The following SYCP1 variants were observed in gnomAD, a reference collection of about 807,000 sequenced individuals.
SYCP1 encodes the protein synaptonemal complex protein 1.
In SYCP1, 64 loss-of-function variants were observed where a neutral mutation model predicts 153.1. The observed-to-expected ratio is 0.42, with a 90% confidence interval of 0.34 to 0.51. SYCP1 has a LOEUF of 0.51. Ranked by LOEUF, SYCP1 falls within the 20% of genes least tolerant of loss-of-function variation. The probability of loss-of-function intolerance (pLI) is 0.06; values close to 1 mark genes in which losing one functional copy is unlikely to be tolerated. For synonymous variants in SYCP1, 384 were observed against 341.8 expected, an observed-to-expected ratio of 1.12 and a Z score of -1.36; for missense variants, 997 against 1,049.0, an observed-to-expected ratio of 0.95 and a Z score of 0.68.
chr1:114,878,565 A>G (rs1665696256), intron 12 of SYCP1, among the ~76,000 whole-genome samples: 1 of 152,076 alleles, frequency 6.6e-6, no homozygotes, highest in Non-Finnish European at 1.5e-5. Flanking sequence ...GTTTTTTGAG[A>G]TGGAGTCTCA....
chr1:114,948,907 A>G (rs1435935809), intron 27 of SYCP1, among the ~76,000 whole-genome samples: 1 of 152,220 alleles, frequency 6.6e-6, no homozygotes, highest in Non-Finnish European at 1.5e-5. Context: ...TCTAGTCAGT[A>G]AACATAAATA....
Position 114,856,559 on chromosome 1 carries a change from C to A in SYCP1, c.109-14C>A. ...TATGAAACAGAATATTTAAGAACTT[C>A]TTTGTGTCTCTAGAGTTTCAACAAA... is the stretch of plus-strand genomic sequence containing the variant. On this transcript the variant is annotated splice_polypyrimidine_tract_variant and intron_variant, in intron 2 of 31. Transcript: ENST00000369522. 6.3e-7 allele frequency: 1 copy of A among 1,594,590 alleles called. No individual in the cohort carries two copies. Among genetic ancestry groups the A allele is most frequent in the Non-Finnish European group, 8.6e-7 (1 of 1,166,804 alleles).
intron 28 of SYCP1, among the ~76,000 whole-genome samples, chr1:114,980,214 A>G (rs777116198): frequency 1.3e-5 from 2 of 151,892 alleles, no homozygotes; most frequent in Non-Finnish European, 2.9e-5. Flanking sequence ...CTTATGAATA[A>G]TTGCCACGAT....
At chr1:114,959,490 G>T (rs1441152916) in intron 27 of SYCP1, among the ~76,000 whole-genome samples, 2 of 152,016 alleles carry the variant, frequency 1.3e-5, no homozygotes, top group East Asian at 3.9e-4. Context: ...GGGTGTATGG[G>T]ATATTTTGAT....
At chr1:114,944,848 T>C (rs1570826630) in intron 24 of SYCP1, 24 bp from the exon 25 acceptor site, 2 of 759,172 alleles carry the variant, frequency 2.6e-6, no homozygotes, top group Non-Finnish European at 3.7e-6. Flanking sequence ...TTTAAGAAAC[T>C]TTTTTTTTTT....
chr1:114,876,180 G>A, intron 10 of SYCP1, 42 bp downstream of exon 10: 1 of 1,362,462 alleles, frequency 7.3e-7, no homozygotes. Flanking sequence ...TTACTGTTTT[G>A]CTATTTATAT....
intron 23 of SYCP1, among the ~76,000 whole-genome samples, chr1:114,931,460 A>T (rs1669627948): frequency 6.6e-6 from 1 of 152,126 alleles, no homozygotes; most frequent in African/African-American, 2.4e-5. Flanking sequence ...TGAAAAATTA[A>T]TTTTAAAACA....
At chr1:114,962,822 A>C (rs917040617) in intron 27 of SYCP1, among the ~76,000 whole-genome samples, 3 of 152,126 alleles carry the variant, frequency 2.0e-5, no homozygotes, top group African/African-American at 7.2e-5. Flanking sequence ...TTTTGTTTCA[A>C]GATGTAGAGC....
chr1:114,948,462 G>C (rs1020171208), intron 27 of SYCP1, among the ~76,000 whole-genome samples: 1 of 152,074 alleles, frequency 6.6e-6, no homozygotes, highest in Admixed American at 6.6e-5. Flanking sequence ...CAACAGCTTA[G>C]GTAACATACA....
At chr1:114,877,222 CTTTCTTT>C (rs1213223910) in intron 11 of SYCP1, among the ~76,000 whole-genome samples, 4 of 152,074 alleles carry the variant, frequency 2.6e-5, no homozygotes, top group Non-Finnish European at 5.9e-5. Flanking sequence ...TCTGTTGCAT[CTTTCTTT>C]TTTCTTTTTT....
At chr1:114,917,957 T>G (rs1176339656) in intron 20 of SYCP1, among the ~76,000 whole-genome samples, 1 of 152,088 alleles carries the variant, frequency 6.6e-6, no homozygotes, top group Non-Finnish European at 1.5e-5. Flanking sequence ...TTGTTGATTT[T>G]TTTTTTTCTG....
At chr1:114,889,065 A>C (rs1570706834) in intron 15 of SYCP1, among the ~76,000 whole-genome samples, 1 of 152,296 alleles carries the variant, frequency 6.6e-6, no homozygotes, top group Middle Eastern at 3.4e-3. Context: ...GTAGTATTCC[A>C]TGATGTATAT....
chr1:114,991,419 C>T (rs377580244), intron 30 of SYCP1, among the ~76,000 whole-genome samples: 6 of 151,666 alleles, frequency 4.0e-5, no homozygotes, highest in African/African-American at 7.3e-5. Context: ...AGAATATTGG[C>T]GAATCAAATT....
At chr1:114,948,248 A>G (rs1324694014) in intron 27 of SYCP1, among the ~76,000 whole-genome samples, 1 of 152,064 alleles carries the variant, frequency 6.6e-6, no homozygotes, top group Admixed American at 6.5e-5. Context: ...TTTGGTTTCT[A>G]TGAGATGGGA....
intron 27 of SYCP1, among the ~76,000 whole-genome samples, chr1:114,971,174 T>C (rs1672465851): frequency 6.6e-6 from 1 of 152,148 alleles, no homozygotes; most frequent in African/African-American, 2.4e-5. Flanking sequence ...TCCCATGAAT[T>C]TATGTCTTTT....
At chr1:114,980,541 G>T (rs1391779910) in intron 28 of SYCP1, among the ~76,000 whole-genome samples, 1 of 151,878 alleles carries the variant, frequency 6.6e-6, no homozygotes, top group Non-Finnish European at 1.5e-5. Flanking sequence ...TTGGAGGCAA[G>T]TTAGGCTGGT....
intron 9 of SYCP1, 105 bp from the exon 10 acceptor site, chr1:114,875,964 T>C: frequency 1.5e-6 from 1 of 689,284 alleles, no homozygotes; most frequent in Non-Finnish European, 2.3e-6. Flanking sequence ...AATTGTGTGG[T>C]TTTAAATTTA....
intron 23 of SYCP1, among the ~76,000 whole-genome samples, chr1:114,935,924 A>AAAAT (rs1429590446): frequency 6.6e-6 from 1 of 152,216 alleles, no homozygotes; most frequent in Non-Finnish European, 1.5e-5. Flanking sequence ...CCTACCAACC[A>AAAAT]AAATAAGTCC....
chr1:114,918,937 G>A (rs1402260768), intron 20 of SYCP1, among the ~76,000 whole-genome samples: 2 of 151,870 alleles, frequency 1.3e-5, no homozygotes, highest in Non-Finnish European at 2.9e-5. Context: ...ATGTTTCCAA[G>A]AAATATACAT....
Sources: allele counts gnomAD v4.1 joint callset (sites outside exome capture counted in the v4.1 genomes callset), GRCh38; gene constraint gnomAD v4.1.1; transcripts MANE v1.5; gene names NCBI Gene and HGNC (gene_info 2026-07-23, HGNC 2026-07-21).